CCDC88A: variants seen among roughly 807,000 people sequenced by gnomAD.
CCDC88A encodes girdin.
A neutral mutation model predicts 234.3 loss-of-function variants in CCDC88A; 54 were observed. The observed-to-expected ratio is 0.23, with a 90% CI of 0.19 to 0.29. CCDC88A has a LOEUF of 0.29. Among genes scored for constraint, CCDC88A ranks in the 10% least tolerant of loss-of-function variants. The pLI is 1.00. For missense variants in CCDC88A, 1,832 were observed against 2,123.4 expected (o/e 0.86, Z 2.70); for synonymous variants, 753 against 737.8 (o/e 1.02, Z -0.33).
Position 55,335,906 on chromosome 2 carries a change from T to A in CCDC88A, c.1657-742A>T, listed in dbSNP as rs918517918. Among the ~76,000 whole-genome samples, 2 of 152,022 alleles carry A rather than the reference T, an allele frequency of 1.3e-5. No homozygotes were observed. Among genetic ancestry groups the A allele is most frequent in the Non-Finnish European group, 2.9e-5 (2 of 67,992 alleles). On this transcript the variant is annotated intron_variant, in intron 14 of 32. Transcript: ENST00000436346. This position sits in a 1 kb window ranked among gnomAD's most constrained non-coding sequence, Gnocchi z 4.5. ...ACAAATAATTTAACTTCTAAAAAAATTAATGCTCAAGCATGGTGGCTGGCA... is the reference window on the plus strand; with the variant it reads ...ACAAATAATTTAACTTCTAAAAAAAATAATGCTCAAGCATGGTGGCTGGCA...
Position 55,328,614 on chromosome 2 carries a change from TAATG to T in CCDC88A, c.2856-183_2856-180del, listed in dbSNP as rs1472596226. On this transcript the variant is annotated intron_variant, in intron 16 of 32. Transcript: ENST00000436346. The surrounding 1 kb of genome is among the most constrained non-coding windows in gnomAD (Gnocchi z 4.3). The stretch of plus-strand genomic sequence containing the variant: ...ATTCTCCCTTTAAAACTAATCCTGG[TAATG>T]AAGCAACAAAATCATTGAGTGAACA... 1.7e-5 allele frequency: 7 copies of T among 416,458 alleles called. No individual in the cohort carries two copies. Among genetic ancestry groups the T allele is most frequent in the Non-Finnish European group, 2.5e-5 (6 of 240,880 alleles). 25.8% of individuals were successfully genotyped at this position (416,458 alleles called of 1,614,324 possible). A position where few individuals can be genotyped will look rare whatever the true frequency, so the allele number is the denominator to read the frequency against.
intron 5 of CCDC88A, among the ~76,000 whole-genome samples, chr2:55,370,411 G>A (rs1672640349): frequency 6.6e-6 from 1 of 152,042 alleles, no homozygotes; most frequent in African/African-American, 2.4e-5. Flanking sequence ...GAAGGCCGAG[G>A]CGGGCAGATC....
rs188767121 is a variant in CCDC88A, at chr2:55,290,541, A to T, written c.*659T>A. ...ATATGGAAAGATTAATATCACTATA[A>T]ATTTTTTATAACTCCTATTTCATTA... On this transcript the variant is annotated 3_prime_UTR_variant, in exon 33 of 33. Transcript: ENST00000436346. 1 of 152,068 alleles carries T rather than the reference A, an allele frequency of 6.6e-6. No homozygotes were observed. The highest frequency in any genetic ancestry group is 6.5e-5 in the Admixed American group (1 of 15,272). 9.4% of individuals were successfully genotyped at this position (152,068 alleles called of 1,614,324 possible).
intron 31 of CCDC88A, chr2:55,295,311 A>G: frequency 6.9e-7 from 1 of 1,455,088 alleles, no homozygotes; most frequent in Non-Finnish European, 9.2e-7. Flanking sequence ...TAACCCACTT[A>G]TGTTACTAAC....
chr2:55,374,224 A>G (rs1673253602), intron 4 of CCDC88A, among the ~76,000 whole-genome samples: 1 of 152,052 alleles, frequency 6.6e-6, no homozygotes, highest in Admixed American at 6.6e-5. Context: ...AAATACAGAA[A>G]TTAGCATGGT....
chr2:55,355,818 C>A, intron 7 of CCDC88A, 67 bp from the exon 8 acceptor site: 2 of 1,245,354 alleles, frequency 1.6e-6, no homozygotes, highest in East Asian at 4.7e-5. Flanking sequence ...TCAACATGAT[C>A]CACTAGGTCT....
At chr2:55,374,368 CTAAATAAATAAA>C (rs144921253) in intron 4 of CCDC88A, among the ~76,000 whole-genome samples, 2,373 of 151,754 alleles carry the variant, frequency 0.016, 71 homozygotes, top group African/African-American at 0.054. Context: ...AACTGCATCT[CTAAATAAATAAA>C]TAAATAAATA....
At chr2:55,396,923 A>G (rs1014875061) in intron 2 of CCDC88A, among the ~76,000 whole-genome samples, 3 of 150,368 alleles carry the variant, frequency 2.0e-5, no homozygotes, top group African/African-American at 7.3e-5. Context: ...CTAAAACCCG[A>G]GTGTACATCA....
rs968727768 is a variant in CCDC88A, at chr2:55,366,578, A to C, written c.403-2545T>G. Among the ~76,000 whole-genome samples the C allele has an allele frequency of 9.2e-5, 13 of 141,956 alleles. No individual in the cohort carries two copies. The South Asian group carries it at 2.9e-3, about 31-fold the overall frequency. The allele number at this position is 141,956 out of a possible 152,430, so 93.1% of individuals were successfully genotyped here. ...ACACACACACACACACACACACACA[A>C]GATATGATGTGGAAACTTGGACATA... On this transcript the variant is annotated intron_variant, in intron 5 of 32. Transcript: ENST00000436346.
At chr2:55,361,439 T>C (rs1181066182) in intron 7 of CCDC88A, among the ~76,000 whole-genome samples, 5 of 152,216 alleles carry the variant, frequency 3.3e-5, no homozygotes, top group Non-Finnish European at 7.3e-5. Flanking sequence ...ATTTTCTTTT[T>C]GTTTAATGCC....
intron 5 of CCDC88A, among the ~76,000 whole-genome samples, chr2:55,370,978 C>T (rs1250897176): frequency 6.6e-6 from 1 of 152,122 alleles, no homozygotes; most frequent in African/African-American, 2.4e-5. Context: ...CATGACACTG[C>T]ACTCCTGCCT....
At chr2:55,391,345 G>C (rs1214383374) in intron 2 of CCDC88A, among the ~76,000 whole-genome samples, 1 of 122,608 alleles carries the variant, frequency 8.2e-6, no homozygotes, top group Non-Finnish European at 1.9e-5. Flanking sequence ...AAAAGGACAA[G>C]GTCCAGACAC....
At chr2:55,305,278 T>G (rs1384519538) in intron 25 of CCDC88A, among the ~76,000 whole-genome samples, 1 of 152,208 alleles carries the variant, frequency 6.6e-6, no homozygotes, top group Non-Finnish European at 1.5e-5. Context: ...AAGAAATGAT[T>G]CTTCTTATAG....
intron 9 of CCDC88A, among the ~76,000 whole-genome samples, chr2:55,347,102 T>C (rs566080711): frequency 1.2e-4 from 19 of 152,212 alleles, no homozygotes; most frequent in Non-Finnish European, 2.6e-4. Flanking sequence ...CATTAATTAC[T>C]GTATAGAAGT....
chr2:55,316,387 T>A (rs1036088483), intron 21 of CCDC88A, among the ~76,000 whole-genome samples: 1 of 152,136 alleles, frequency 6.6e-6, no homozygotes, highest in Admixed American at 6.5e-5. Flanking sequence ...TTTAAATATG[T>A]TGAAGTATAG....
intron 17 of CCDC88A, among the ~76,000 whole-genome samples, chr2:55,326,620 T>C (rs1269192442): frequency 6.6e-6 from 1 of 152,150 alleles, no homozygotes; most frequent in Non-Finnish European, 1.5e-5. Context: ...TGGAGTGCAG[T>C]GGCAGGATGT....
intron 3 of CCDC88A, among the ~76,000 whole-genome samples, chr2:55,383,939 T>C (rs891802241): frequency 3.9e-5 from 6 of 152,172 alleles, no homozygotes; most frequent in South Asian, 4.1e-4. Flanking sequence ...ATTTAAAGTA[T>C]TGGTTGGTGC....
At chr2:55,406,784 A>G (rs1434342778) in intron 2 of CCDC88A, among the ~76,000 whole-genome samples, 2 of 151,864 alleles carry the variant, frequency 1.3e-5, no homozygotes, top group African/African-American at 4.8e-5. Flanking sequence ...ATCAAAGACT[A>G]GTATCCAACA....
intron 25 of CCDC88A, among the ~76,000 whole-genome samples, chr2:55,306,705 C>A (rs532113591): frequency 6.6e-6 from 1 of 152,230 alleles, no homozygotes; most frequent in African/African-American, 2.4e-5. Context: ...CCTGCCTCAG[C>A]CTCCTGAGTA....
Sources: allele counts gnomAD v4.1 joint callset (sites outside exome capture counted in the v4.1 genomes callset), GRCh38; gene constraint gnomAD v4.1.1; non-coding constraint Gnocchi (gnomAD v3.1); transcripts MANE v1.5; gene names NCBI Gene and HGNC (gene_info 2026-07-23, HGNC 2026-07-21).